PLCL1: variants seen among roughly 807,000 people sequenced by gnomAD.
PLCL1 encodes phospholipase C like 1 (inactive).
PLCL1 carries 41 observed loss-of-function variants against 84.4 expected under a neutral mutation model. The ratio of observed to expected loss-of-function variants is 0.49; its 90% CI spans 0.38 to 0.63. The LOEUF (loss-of-function observed/expected upper bound fraction) is 0.63, where lower values mean the gene tolerates loss of function less well. Among genes scored for constraint, PLCL1 ranks in the 30% least tolerant of loss-of-function variants. PLCL1 has a pLI of 0.00. For synonymous variants in PLCL1, 490 were observed against 488.3 expected (o/e 1.00, Z -0.05); for missense variants, 1,206 against 1,367.8 (o/e 0.88, Z 1.87).
intron 5 of PLCL1, among the ~76,000 whole-genome samples, chr2:198,130,649 A>T (rs185081599): frequency 1.3e-5 from 2 of 152,174 alleles, no homozygotes; most frequent in Non-Finnish European, 2.9e-5. Flanking sequence ...CACCTCTGGA[A>T]TTCCTGCTTG....
At chr2:198,131,379 T>C (rs1283492988) in intron 5 of PLCL1, among the ~76,000 whole-genome samples, 1 of 152,194 alleles carries the variant, frequency 6.6e-6, no homozygotes, top group Admixed American at 6.5e-5. Flanking sequence ...TCCACTATCA[T>C]AGCACTTTAA....
At chr2:198,126,957 G>C (rs1222758816) in intron 5 of PLCL1, among the ~76,000 whole-genome samples, 2 of 151,042 alleles carry the variant, frequency 1.3e-5, no homozygotes, top group Non-Finnish European at 3.0e-5. Context: ...GGTGAGGGAC[G>C]CTGGTTTTAG....
rs557872601 is a variant in PLCL1 at position 198,044,059 on chromosome 2, C to T, written c.241-39699C>T. 4.1e-4 allele frequency among the ~76,000 whole-genome samples: 63 copies of T among 152,060 alleles called. 1 individual carries two copies. The highest frequency in any genetic ancestry group is 1.4e-3 in the African/African-American group (59 of 41,476). Reference sequence around the variant, plus strand: ...TAAGTCTACCACCCTTGCAAAATTACACAACATATTTTCAGTATATTCTAG... The same window carrying T: ...TAAGTCTACCACCCTTGCAAAATTATACAACATATTTTCAGTATATTCTAG... On this transcript the variant is annotated intron_variant, in intron 1 of 5. Coordinates refer to ENST00000428675, the MANE Select transcript of PLCL1 (RefSeq NM_006226.4).
At chr2:197,894,021 G>T (rs1355903155) in intron 1 of PLCL1, among the ~76,000 whole-genome samples, 1 of 151,838 alleles carries the variant, frequency 6.6e-6, no homozygotes, top group Non-Finnish European at 1.5e-5. Context: ...TGTGTGTGCA[G>T]TAAGGGGTGG....
chr2:198,106,411 T>A (rs1693475214), intron 5 of PLCL1, among the ~76,000 whole-genome samples: 1 of 151,914 alleles, frequency 6.6e-6, no homozygotes, highest in African/African-American at 2.4e-5. Context: ...CCTGACCTCA[T>A]GAAGTTAGCA....
At chr2:198,015,169 G>A (rs62277903) in intron 1 of PLCL1, among the ~76,000 whole-genome samples, 1,739 of 152,086 alleles carry the variant, frequency 0.011, 23 homozygotes, top group Middle Eastern at 0.027. Flanking sequence ...GATTATAACT[G>A]CATGTTGGTT....
chr2:198,090,814 T>C (rs1440346707), intron 3 of PLCL1, among the ~76,000 whole-genome samples: 2 of 152,310 alleles, frequency 1.3e-5, no homozygotes, highest in Admixed American at 6.5e-5. Flanking sequence ...AAAGAAATCA[T>C]TCATGGCCAG....
chr2:197,926,648 A>T (rs1688837012), intron 1 of PLCL1, among the ~76,000 whole-genome samples: 1 of 152,112 alleles, frequency 6.6e-6, no homozygotes, highest in South Asian at 2.1e-4. Context: ...TATTTTTATC[A>T]TTTGTCTACT....
chr2:197,832,416 A>G (rs982461121), intron 1 of PLCL1, among the ~76,000 whole-genome samples: 1 of 152,222 alleles, frequency 6.6e-6, no homozygotes, highest in African/African-American at 2.4e-5. Flanking sequence ...AGAAATACGT[A>G]AATTCCTGAA....
intron 1 of PLCL1, among the ~76,000 whole-genome samples, chr2:197,849,065 G>T (rs1183082869): frequency 6.6e-6 from 1 of 152,096 alleles, no homozygotes; most frequent in East Asian, 1.9e-4. Flanking sequence ...GTGGGGTTCT[G>T]TTCCCAAGGC....
At position 197,971,693 on chromosome 2, in the gene PLCL1, A is replaced by G. The variant is rs144667462; in HGVS notation, c.241-112065A>G. ...GAAAGATATTACAACAGTGGTTACC[A>G]AACTGTAGTGATTCTTTCTCTGTAT... On this transcript the variant is annotated intron_variant, in intron 1 of 5. Transcript: ENST00000428675. Among the ~76,000 whole-genome samples the G allele has an allele frequency of 2.5e-3, 388 of 152,332 alleles. 1 individual carries two copies. Among genetic ancestry groups the G allele is most frequent in the African/African-American group, 8.9e-3 (370 of 41,576 alleles).
intron 1 of PLCL1, among the ~76,000 whole-genome samples, chr2:197,865,648 C>T (rs752755986): frequency 1.2e-4 from 18 of 152,074 alleles, no homozygotes; most frequent in South Asian, 4.2e-4. Context: ...CTAATTAGCA[C>T]GTTAAGTTAG....
At position 197,914,822 on chromosome 2, in the gene PLCL1, A is replaced by G. The variant is rs529652305; in HGVS notation, c.240+109483A>G. Among the ~76,000 whole-genome samples, 9 of 152,300 alleles carry G rather than the reference A, an allele frequency of 5.9e-5. No individual in the cohort carries two copies. The East Asian group carries it at 1.5e-3, about 26-fold the overall frequency. On this transcript the variant is annotated intron_variant, in intron 1 of 5. Coordinates refer to ENST00000428675, the MANE Select transcript of PLCL1 (RefSeq NM_006226.4). Reference sequence around the variant, plus strand: ...TCTTTGGCTCACTTTAACTGATGTAAGTAGGACCACAACATAAGGCAATTG... The same window carrying G: ...TCTTTGGCTCACTTTAACTGATGTAGGTAGGACCACAACATAAGGCAATTG...
intron 4 of PLCL1, among the ~76,000 whole-genome samples, 184 bp from the exon 5 acceptor site, chr2:198,103,643 A>G (rs531416417): frequency 6.6e-6 from 1 of 152,110 alleles, no homozygotes; most frequent in South Asian, 2.1e-4. Flanking sequence ...ACTGTTGTCA[A>G]TTTGTGCATA....
rs564770667 is a variant in PLCL1, at chr2:197,817,883, A to AT, written c.240+12552dup. Among the ~76,000 whole-genome samples the AT allele has an allele frequency of 1.6e-3, 242 of 151,926 alleles. 1 individual carries two copies. The highest frequency in any genetic ancestry group is 5.3e-3 in the African/African-American group (219 of 41,454). The stretch of plus-strand genomic sequence containing the variant: ...AAGTTGTACATTTTGGAATTTATTT[A>AT]TTTTTTTTAATTTTGATGGTCTTTG... On this transcript the variant is annotated intron_variant, in intron 1 of 5. Coordinates refer to ENST00000428675, the MANE Select transcript of PLCL1 (RefSeq NM_006226.4).
intron 5 of PLCL1, among the ~76,000 whole-genome samples, chr2:198,132,315 G>A (rs3771367): frequency 0.37 from 56,683 of 151,900 alleles, 10,911 homozygotes; most frequent in Middle Eastern, 0.52. Flanking sequence ...TTTAGAGCAG[G>A]GCCATTCCAA....
At chr2:198,005,362 T>G (rs1360514470) in intron 1 of PLCL1, among the ~76,000 whole-genome samples, 1 of 152,266 alleles carries the variant, frequency 6.6e-6, no homozygotes, top group Non-Finnish European at 1.5e-5. Flanking sequence ...CAGCCATCCA[T>G]TCACAGATCA....
intron 1 of PLCL1, among the ~76,000 whole-genome samples, chr2:197,922,925 C>A (rs1345584013): frequency 5.3e-5 from 7 of 133,220 alleles, no homozygotes; most frequent in East Asian, 2.4e-4. Flanking sequence ...ACCTCCCTCC[C>A]AGATGGGGCG....
At chr2:197,815,810 A>T (rs1690675861) in intron 1 of PLCL1, among the ~76,000 whole-genome samples, 1 of 152,160 alleles carries the variant, frequency 6.6e-6, no homozygotes, top group African/African-American at 2.4e-5. Context: ...GAGAACTAGA[A>T]TTAGAAGTGG....
Sources: allele counts gnomAD v4.1 joint callset (sites outside exome capture counted in the v4.1 genomes callset), GRCh38; gene constraint gnomAD v4.1.1; transcripts MANE v1.5; gene names NCBI Gene and HGNC (gene_info 2026-07-23, HGNC 2026-07-21).